The following CUL5 variants were observed in gnomAD, a reference collection of about 807,000 sequenced individuals.
CUL5 encodes cullin-5.
In CUL5, 26 loss-of-function variants were observed where a neutral mutation model predicts 108.8. That is an observed-to-expected ratio of 0.24 (90% confidence interval 0.18 to 0.33). The LOEUF (loss-of-function observed/expected upper bound fraction) is 0.33, where lower values mean the gene tolerates loss of function less well. CUL5 is among the 10% of genes least tolerant of loss of function. CUL5 has a pLI of 1.00. For missense variants in CUL5, 524 were observed against 909.2 expected (o/e 0.58, Z 5.45); for synonymous variants, 334 against 298.0 (o/e 1.12, Z -1.25).
chr11:108,056,341 A>AT (rs1234598653), intron 7 of CUL5, among the ~76,000 whole-genome samples: 5 of 151,970 alleles, frequency 3.3e-5, no homozygotes, highest in East Asian at 1.9e-4. Context: ...TGGGATTTAA[A>AT]ATTTTTTTTT....
chr11:108,065,473 C>A (rs555967526), intron 7 of CUL5, among the ~76,000 whole-genome samples: 10 of 152,274 alleles, frequency 6.6e-5, no homozygotes, highest in African/African-American at 2.2e-4. Flanking sequence ...CAAGTCCTTA[C>A]CACTGGAATG....
rs1349965645 is a variant in CUL5 at position 108,106,380 on chromosome 11, G to T, written c.*1996G>T. ...CATTTAATTTAAGAATGAGAGTCAT[G>T]ATGTTTTGATTTATGAAGGTGAATT... On this transcript the variant is annotated 3_prime_UTR_variant, in exon 19 of 19. Coordinates refer to ENST00000393094, the MANE Select transcript of CUL5 (RefSeq NM_003478.6). The T allele has an allele frequency of 2.6e-5, 4 of 152,514 alleles. No individual in the cohort carries two copies. The highest frequency in any genetic ancestry group is 6.5e-5 in the Admixed American group (1 of 15,268). 9.4% of individuals were successfully genotyped at this position (152,514 alleles called of 1,614,324 possible).
intron 2 of CUL5, among the ~76,000 whole-genome samples, chr11:108,044,919 G>T (rs7927717): frequency 0.13 from 20,210 of 151,554 alleles, 1,452 homozygotes; most frequent in African/African-American, 0.19. Context: ...ACACCACCAC[G>T]CCTGGCTAAT....
At position 108,078,182 on chromosome 11, in the gene CUL5, A is replaced by G. The variant is rs773373454; in HGVS notation, c.1120A>G (p.Lys374Glu). The change falls in exon 11 of 19, where the codon AAA becomes GAA. Residue 374 changes from lysine to glutamate, a missense_variant. By Grantham distance (56) the Lys-to-Glu change is moderately conservative. Transcript: ENST00000393094. ...RFLTARDKAY[K>E]AVVNDATIFK... ...TCCAAATTATTTTTTGCAGGCGTAT[A>G]AAGCAGTTGTTAATGATGCTACCAT... is the stretch of plus-strand genomic sequence containing the variant. 93 of 1,557,688 alleles carry G rather than the reference A, an allele frequency of 6.0e-5. No homozygotes were observed. Among genetic ancestry groups the G allele is most frequent in the Non-Finnish European group, 7.7e-5 (88 of 1,145,554 alleles).
chr11:108,090,310 A>T (rs1864319979), intron 13 of CUL5, among the ~76,000 whole-genome samples: 1 of 151,882 alleles, frequency 6.6e-6, no homozygotes, highest in Non-Finnish European at 1.5e-5. Context: ...AACACAGTGA[A>T]ACCCAGTCTC....
In CUL5 at chr11:108,094,420, C is replaced by T. The variant is rs1297649158; in HGVS notation, c.1473C>T (p.Asn491=). The T allele has an allele frequency of 6.3e-6, 10 of 1,586,602 alleles. No homozygotes were observed. Among genetic ancestry groups the T allele is most frequent in the African/African-American group, 1.4e-5 (1 of 73,920 alleles). The change falls in exon 14 of 19, where the codon AAC becomes AAT. Residue 491 remains asparagine (N), a synonymous_variant. Transcript: ENST00000393094. ...REVGMPADYV[N]KLARMFQDIK... is the part of the protein sequence containing the mutation. Reference sequence around the variant, plus strand: ...TTGGTATGCCAGCGGATTATGTAAACAAGCTTGCTAGAATGTTTCAGGACA... The same window carrying T: ...TTGGTATGCCAGCGGATTATGTAAATAAGCTTGCTAGAATGTTTCAGGACA...
intron 3 of CUL5, among the ~76,000 whole-genome samples, chr11:108,048,451 T>A (rs1320723004): frequency 6.6e-6 from 1 of 152,096 alleles, no homozygotes; most frequent in Admixed American, 6.6e-5. Context: ...CATATATGGT[T>A]TTTGATGTGG....
At chr11:108,077,880 C>T (rs551671218) in intron 10 of CUL5, among the ~76,000 whole-genome samples, 31 of 151,912 alleles carry the variant, frequency 2.0e-4, no homozygotes, top group Non-Finnish European at 3.8e-4. Context: ...ACCCAGGAGG[C>T]GGAGGTTGCA....
At chr11:108,097,585 G>T in intron 16 of CUL5, 51 bp from the exon 17 acceptor site, 1 of 994,596 alleles carries the variant, frequency 1.0e-6, no homozygotes, top group African/African-American at 1.6e-5. Flanking sequence ...ATTGATCTTA[G>T]TATTCCATAC....
At chr11:108,037,049 T>C (rs1591287850) in intron 2 of CUL5, among the ~76,000 whole-genome samples, 3 of 152,210 alleles carry the variant, frequency 2.0e-5, no homozygotes, top group South Asian at 4.2e-4. Flanking sequence ...ATACAAACTT[T>C]TAACATTTTT....
intron 3 of CUL5, among the ~76,000 whole-genome samples, chr11:108,048,648 CTTTTTTTTTTTT>C (rs200991204): frequency 1.0e-4 from 12 of 116,862 alleles, no homozygotes; most frequent in Middle Eastern, 4.2e-3. Context: ...ACTCCACCAC[CTTTTTTTTTTTT>C]TTTTTTTTTT....
In CUL5 at chr11:108,072,232, A is replaced by G. The variant is rs1016538221; in HGVS notation, c.875-100A>G. On this transcript the variant is annotated intron_variant, in intron 8 of 18. Transcript: ENST00000393094. ...GAACAACTACTCCTAATGGCATTGT[A>G]TCCACAGAATACTATTAACATTACA... 5 of 965,422 alleles carry G rather than the reference A, an allele frequency of 5.2e-6. No homozygotes were observed. In the African/African-American group the frequency reaches 6.7e-5, roughly 13 times the overall value. The allele number at this position is 965,422 out of a possible 1,614,324, so 59.8% of individuals were successfully genotyped here.
intron 1 of CUL5, among the ~76,000 whole-genome samples, chr11:108,020,851 A>T (rs1042553307): frequency 6.6e-6 from 1 of 152,186 alleles, no homozygotes; most frequent in Non-Finnish European, 1.5e-5. Flanking sequence ...AGTGTACAGT[A>T]ATGTCCTAGA....
intron 11 of CUL5, among the ~76,000 whole-genome samples, chr11:108,085,386 G>A (rs1471895551): frequency 6.6e-6 from 1 of 151,992 alleles, no homozygotes; most frequent in Non-Finnish European, 1.5e-5. Flanking sequence ...GAAATCCATT[G>A]AGACAAAAAG....
chr11:108,065,207 A>G (rs1325877416), intron 7 of CUL5, among the ~76,000 whole-genome samples: 1 of 151,878 alleles, frequency 6.6e-6, no homozygotes, highest in African/African-American at 2.4e-5. Context: ...TTGTATTTTT[A>G]GTAGAGATGG....
At chr11:108,082,212 C>G (rs1864104610) in intron 11 of CUL5, among the ~76,000 whole-genome samples, 1 of 150,516 alleles carries the variant, frequency 6.6e-6, no homozygotes, top group South Asian at 2.1e-4. Flanking sequence ...TCCTTCCTCC[C>G]TCTTTCCTTT....
At chr11:108,050,395 G>A (rs1227793279) in intron 4 of CUL5, among the ~76,000 whole-genome samples, 1 of 148,962 alleles carries the variant, frequency 6.7e-6, no homozygotes, top group Non-Finnish European at 1.5e-5. Flanking sequence ...AAACTGGAGT[G>A]TCACTCTGTC....
At chr11:108,050,124 A>T (rs1303236809) in intron 4 of CUL5, 58 bp downstream of exon 4, 1 of 1,419,082 alleles carries the variant, frequency 7.0e-7, no homozygotes, top group East Asian at 2.4e-5. Context: ...GTAATTTGGA[A>T]GCATTTGAAA....
At chr11:108,048,181 G>A (rs1863113236) in intron 3 of CUL5, among the ~76,000 whole-genome samples, 1 of 150,424 alleles carries the variant, frequency 6.6e-6, no homozygotes, top group Non-Finnish European at 1.5e-5. Flanking sequence ...TACCTTGTTA[G>A]GAAGGACCAA....
Sources: allele counts gnomAD v4.1 joint callset (sites outside exome capture counted in the v4.1 genomes callset), GRCh38; gene constraint gnomAD v4.1.1; transcripts MANE v1.5; gene names NCBI Gene and HGNC (gene_info 2026-07-23, HGNC 2026-07-21).